The following SOS2 variants were observed in gnomAD, a reference collection of about 807,000 sequenced individuals.
SOS2 encodes son of sevenless homolog 2.
SOS2 carries 65 observed loss-of-function variants against 148.2 expected under a neutral mutation model. The observed-to-expected ratio is 0.44, with a 90% CI of 0.36 to 0.54. The LOEUF is 0.54. Among genes scored for constraint, SOS2 ranks in the 20% least tolerant of loss-of-function variants. SOS2 has a pLI of 0.00. For synonymous variants in SOS2, 539 were observed against 537.1 expected (o/e 1.00, Z -0.05); for missense variants, 1,341 against 1,590.2 (o/e 0.84, Z 2.67).
chr14:50,157,042 G>C lies in SOS2; in HGVS notation c.2014C>G (p.Leu672Val). 6.2e-7 allele frequency: 1 copy of C among 1,611,988 alleles called. No individual in the cohort carries two copies. The highest frequency in any genetic ancestry group is 8.5e-7 in the Non-Finnish European group (1 of 1,178,866). ...ACATATTCCTTGCGAAATCTTTTAAGGTCTGCACTGATTGGCTGCTCGCCT... is the reference window on the plus strand; with the variant it reads ...ACATATTCCTTGCGAAATCTTTTAACGTCTGCACTGATTGGCTGCTCGCCT... ...EKGEQPISADLKRFRKEYVQP... is the reference protein window; with the variant it reads ...EKGEQPISADVKRFRKEYVQP... The change falls in exon 12 of 23, where the codon CTT becomes GTT. Residue 672 changes from leucine to valine, a missense_variant. This residue lies in a region of SOS2 where 408 missense variants were observed against 506.6 expected (regional missense o/e 0.81). Coordinates refer to ENST00000216373, the MANE Select transcript of SOS2 (RefSeq NM_006939.4).
chr14:50,209,450 T>C lies in SOS2; in HGVS notation c.88-5041A>G, dbSNP rs542058163. On this transcript the variant is annotated intron_variant, in intron 1 of 22. Coordinates refer to ENST00000216373, the MANE Select transcript of SOS2 (RefSeq NM_006939.4). ...CATAAAAAATAAACTTTTCTTTCTA[T>C]GTACCAGCAACAAAGCTAGCAAACA... is the stretch of plus-strand genomic sequence containing the variant. 4.6e-5 allele frequency among the ~76,000 whole-genome samples: 7 copies of C among 152,200 alleles called. No homozygotes were observed. The South Asian group carries it at 1.4e-3, about 32-fold the overall frequency.
At chr14:50,223,993 G>A (rs1887276504) in intron 1 of SOS2, among the ~76,000 whole-genome samples, 1 of 151,880 alleles carries the variant, frequency 6.6e-6, no homozygotes, top group Non-Finnish European at 1.5e-5. Flanking sequence ...AGAAATAGAA[G>A]TCTAAAAATT....
At chr14:50,140,372 C>T (rs1222706853) in intron 16 of SOS2, among the ~76,000 whole-genome samples, 1 of 152,196 alleles carries the variant, frequency 6.6e-6, no homozygotes, top group Non-Finnish European at 1.5e-5. Context: ...ATTATAACCC[C>T]TGAACATTCA....
chr14:50,162,053 C>A (rs1458652262), intron 8 of SOS2, among the ~76,000 whole-genome samples: 2 of 151,004 alleles, frequency 1.3e-5, no homozygotes, highest in African/African-American at 4.9e-5. Flanking sequence ...CTGGCCCAAC[C>A]TTCTTTCTAT....
At chr14:50,179,145 G>A (rs1052499478) in intron 7 of SOS2, among the ~76,000 whole-genome samples, 2 of 152,062 alleles carry the variant, frequency 1.3e-5, no homozygotes, top group African/African-American at 2.4e-5. Flanking sequence ...ACTTGTCAAA[G>A]GCAATTTATA....
chr14:50,180,766 C>T (rs912412421), intron 6 of SOS2, 84 bp from the exon 7 acceptor site: 9 of 757,432 alleles, frequency 1.2e-5, no homozygotes, highest in African/African-American at 3.7e-5. Flanking sequence ...TCACTTGATC[C>T]CAGGAGTTCG....
At position 50,188,567 on chromosome 14, in the gene SOS2, C is replaced by A; in HGVS notation, c.644G>T (p.Arg215Leu). 1 of 1,607,530 alleles carries A rather than the reference C, an allele frequency of 6.2e-7. No individual in the cohort carries two copies. The highest frequency in any genetic ancestry group is 8.5e-7 in the Non-Finnish European group (1 of 1,178,144). ...TEIAEERQYL[R>L]ELNMIIKVFR... ...CACTTTTATGATCATATTTAATTCCCGTAGATACTGTCTTTCTTCTGCGAT... is the reference window on the plus strand; with the variant it reads ...CACTTTTATGATCATATTTAATTCCAGTAGATACTGTCTTTCTTCTGCGAT... The change falls in exon 5 of 23, where the codon CGG becomes CTG. Residue 215 changes from arginine to leucine, a missense_variant. By Grantham distance (102) the Arg-to-Leu change is moderately radical (BLOSUM62 -2). Transcript: ENST00000216373.
rs919004837 is a variant in SOS2 at position 50,227,840 on chromosome 14, T to C, written c.87+3357A>G. Among the ~76,000 whole-genome samples the C allele has an allele frequency of 2.0e-5, 3 of 152,280 alleles. No homozygotes were observed. In the South Asian group the frequency reaches 6.2e-4, roughly 32 times the overall value. ...AAATACATATATATATGGATCTATATATGGGTATATATGGATATATACATG... is the reference window on the plus strand; with the variant it reads ...AAATACATATATATATGGATCTATACATGGGTATATATGGATATATACATG... On this transcript the variant is annotated intron_variant, in intron 1 of 22. Coordinates refer to ENST00000216373, the MANE Select transcript of SOS2 (RefSeq NM_006939.4).
chr14:50,181,553 AATAG>A (rs1393663758), intron 6 of SOS2, among the ~76,000 whole-genome samples: 18 of 152,242 alleles, frequency 1.2e-4, no homozygotes, highest in South Asian at 2.1e-4. Flanking sequence ...ACCTATGGAT[AATAG>A]ATAGTTAAAA....
intron 19 of SOS2, among the ~76,000 whole-genome samples, chr14:50,133,503 A>G (rs1227811814): frequency 6.6e-6 from 1 of 152,156 alleles, no homozygotes; most frequent in Non-Finnish European, 1.5e-5. Context: ...CCCGGTCTCT[A>G]TGAACTTTTT....
chr14:50,140,909 A>T (rs1884253646), intron 16 of SOS2, among the ~76,000 whole-genome samples: 2 of 152,036 alleles, frequency 1.3e-5, no homozygotes, highest in African/African-American at 2.4e-5. Flanking sequence ...ATCAGGATTT[A>T]AAAAAAATTC....
At chr14:50,143,785 T>G (rs1884373297) in intron 16 of SOS2, among the ~76,000 whole-genome samples, 2 of 151,292 alleles carry the variant, frequency 1.3e-5, no homozygotes, top group Non-Finnish European at 2.9e-5. Context: ...CAGTGCGATT[T>G]CTGCCCCCGC....
In SOS2 at chr14:50,134,454, T is replaced by C. The variant is rs149968642; in HGVS notation, c.2959-215A>G. Among the ~76,000 whole-genome samples, 291 of 152,358 alleles carry C rather than the reference T, an allele frequency of 1.9e-3. 2 individuals carry two copies. The highest frequency in any genetic ancestry group is 6.1e-3 in the African/African-American group (253 of 41,578). On this transcript the variant is annotated intron_variant, in intron 18 of 22. Transcript: ENST00000216373. ...GATTATATAATTTCTGTGGAAGTTATATTCTAGTCTTAAAGTTCTATTAAG... is the reference window on the plus strand; with the variant it reads ...GATTATATAATTTCTGTGGAAGTTACATTCTAGTCTTAAAGTTCTATTAAG...
At chr14:50,199,553 CTG>C in intron 4 of SOS2, 136 bp downstream of exon 4, 1 of 461,016 alleles carries the variant, frequency 2.2e-6, no homozygotes, top group Non-Finnish European at 3.8e-6. Flanking sequence ...CACGGTTACT[CTG>C]TAAAGCCAGG....
At chr14:50,210,495 A>G (rs1353762573) in intron 1 of SOS2, among the ~76,000 whole-genome samples, 1 of 152,222 alleles carries the variant, frequency 6.6e-6, no homozygotes, top group African/African-American at 2.4e-5. Context: ...GATTTCTTAT[A>G]TAGGACACAA....
chr14:50,169,133 G>T (rs1465335851), intron 8 of SOS2, among the ~76,000 whole-genome samples: 7 of 151,780 alleles, frequency 4.6e-5, no homozygotes, highest in African/African-American at 9.7e-5. Context: ...CCAACATGGT[G>T]AAACCCCGTC....
At chr14:50,215,824 G>C (rs1659881280) in intron 1 of SOS2, among the ~76,000 whole-genome samples, 1 of 152,008 alleles carries the variant, frequency 6.6e-6, no homozygotes, top group African/African-American at 2.4e-5. Context: ...CACTACATTT[G>C]ACAAGTTATA....
intron 2 of SOS2, among the ~76,000 whole-genome samples, chr14:50,202,613 T>C (rs1005544376): frequency 6.6e-6 from 1 of 152,118 alleles, no homozygotes; most frequent in African/African-American, 2.4e-5. Flanking sequence ...CATGCACTTG[T>C]AGTCCCAGCT....
At chr14:50,180,716 T>C in intron 6 of SOS2, 34 bp from the exon 7 acceptor site, 1 of 1,188,074 alleles carries the variant, frequency 8.4e-7, no homozygotes, top group South Asian at 1.3e-5. Flanking sequence ...GCATTAGGTT[T>C]AAAAGAATAT....
Sources: gnomAD v4.1 joint callset for allele counts (sites outside exome capture counted in the v4.1 genomes callset) on GRCh38, gnomAD v4.1.1 for gene constraint, gnomAD v4.1.1 regional missense constraint, MANE v1.5 for transcripts, NCBI Gene and HGNC (gene_info 2026-07-23, HGNC 2026-07-21) for gene names.